Variants in PTPRD observed in about 807,000 individuals in gnomAD.
The protein encoded by PTPRD is protein tyrosine phosphatase receptor type D.
PTPRD carries 34 observed loss-of-function variants against 214.5 expected under a neutral mutation model. The ratio of observed to expected loss-of-function variants is 0.16; its 90% CI spans 0.12 to 0.21. The LOEUF (loss-of-function observed/expected upper bound fraction) is 0.21. Ranked by LOEUF, PTPRD falls within the 10% of genes least tolerant of loss-of-function variation. PTPRD has a pLI of 1.00. For synonymous variants in PTPRD, 1,128 were observed against 845.7 expected (o/e 1.33, Z -5.79); for missense variants, 2,545 against 2,398.7 (o/e 1.06, Z -1.27).
At chr9:9,383,160 C>T (rs1276752409) in intron 9 of PTPRD, among the ~76,000 whole-genome samples, 1 of 151,944 alleles carries the variant, frequency 6.6e-6, no homozygotes, top group Non-Finnish European at 1.5e-5. Context: ...TGATTTGGCA[C>T]TTTTCAGGTT....
At chr9:9,959,289 C>T (rs1024150110) in intron 4 of PTPRD, among the ~76,000 whole-genome samples, 1 of 152,022 alleles carries the variant, frequency 6.6e-6, no homozygotes, top group Non-Finnish European at 1.5e-5. Flanking sequence ...CTAGAAAAGG[C>T]AAAACTTGTA....
At chr9:10,190,465 C>T (rs1397315739) in intron 3 of PTPRD, among the ~76,000 whole-genome samples, 3 of 142,718 alleles carry the variant, frequency 2.1e-5, no homozygotes, top group Non-Finnish European at 3.0e-5. Context: ...TGCCTGTAAT[C>T]CCAGTACTTT....
At chr9:9,454,860 T>A (rs1405876034) in intron 8 of PTPRD, among the ~76,000 whole-genome samples, 4 of 147,738 alleles carry the variant, frequency 2.7e-5, no homozygotes, top group Non-Finnish European at 5.9e-5. Context: ...CACATATATA[T>A]ATATACATAT....
rs531958900 is a variant in PTPRD at position 8,316,961 on chromosome 9, T to C, written c.*913A>G. 3 of 231,568 alleles carry C rather than the reference T, an allele frequency of 1.3e-5. No homozygotes were observed. In the East Asian group the frequency reaches 1.8e-4, roughly 14 times the overall value. 14.3% of individuals were successfully genotyped at this position (231,568 alleles called of 1,614,324 possible). ...GTCTATATATACATAGACACCCTTA[T>C]AAAATATGGATATATATGTATATAT... On this transcript the variant is annotated 3_prime_UTR_variant, in exon 46 of 46. Coordinates refer to ENST00000381196, the MANE Select transcript of PTPRD (RefSeq NM_002839.4).
intron 6 of PTPRD, among the ~76,000 whole-genome samples, chr9:9,737,535 C>T (rs893826716): frequency 6.6e-6 from 1 of 152,108 alleles, no homozygotes; most frequent in Non-Finnish European, 1.5e-5. Flanking sequence ...CCTGATAACT[C>T]CTAATCTATT....
intron 3 of PTPRD, among the ~76,000 whole-genome samples, chr9:10,202,820 C>T (rs141732112): frequency 1.2e-4 from 18 of 151,594 alleles, no homozygotes; most frequent in Admixed American, 2.0e-4. Context: ...CCATCCTCCT[C>T]GCTGCTCTCT....
intron 11 of PTPRD, among the ~76,000 whole-genome samples, chr9:8,777,275 C>G (rs1378261747): frequency 6.6e-6 from 1 of 151,900 alleles, no homozygotes; most frequent in Admixed American, 6.6e-5. Context: ...TTTTGTTAAA[C>G]TAGTATGCTT....
In PTPRD at chr9:9,380,413, T is replaced by C. The variant is rs573657720; in HGVS notation, c.-203+17036A>G. On this transcript the variant is annotated intron_variant, in intron 9 of 45. Coordinates refer to ENST00000381196, the MANE Select transcript of PTPRD (RefSeq NM_002839.4). ...GTGGGTACACAGTAGGTATATATACTTATGGGGTACATGAGATGTTTTGAT... is the reference window on the plus strand; with the variant it reads ...GTGGGTACACAGTAGGTATATATACCTATGGGGTACATGAGATGTTTTGAT... Among the ~76,000 whole-genome samples, 24 of 152,256 alleles carry C rather than the reference T, an allele frequency of 1.6e-4. No homozygotes were observed. The East Asian group carries it at 4.0e-3, about 26-fold the overall frequency.
chr9:10,034,146 G>GA (rs367890346), intron 3 of PTPRD, among the ~76,000 whole-genome samples: 9 of 151,884 alleles, frequency 5.9e-5, no homozygotes, highest in African/African-American at 2.2e-4. Flanking sequence ...AATTCATATG[G>GA]AAAAAAATAT....
chr9:8,823,838 A>G (rs2097124679), intron 11 of PTPRD, among the ~76,000 whole-genome samples: 2 of 152,214 alleles, frequency 1.3e-5, no homozygotes, highest in South Asian at 4.1e-4. Context: ...AAGTTCATTA[A>G]AAAAGTAAAA....
intron 3 of PTPRD, among the ~76,000 whole-genome samples, chr9:10,300,146 A>C (rs910036522): frequency 6.6e-6 from 1 of 152,222 alleles, no homozygotes; most frequent in African/African-American, 2.4e-5. Context: ...CATAAGTAGT[A>C]AGAAAACAAC....
intron 2 of PTPRD, among the ~76,000 whole-genome samples, chr9:10,523,542 T>A (rs2053091820): frequency 6.9e-6 from 1 of 145,922 alleles, no homozygotes; most frequent in African/African-American, 2.5e-5. Context: ...CAGGTAGAAC[T>A]GTAAGAAAAA....
chr9:10,208,407 G>A (rs11790164), intron 3 of PTPRD, among the ~76,000 whole-genome samples: 2 of 152,136 alleles, frequency 1.3e-5, no homozygotes, highest in East Asian at 1.9e-4. Flanking sequence ...CCAGCTACTC[G>A]GGAGGCTGAG....
intron 7 of PTPRD, among the ~76,000 whole-genome samples, chr9:9,701,819 T>C (rs1186314641): frequency 6.6e-6 from 1 of 152,088 alleles, no homozygotes; most frequent in African/African-American, 2.4e-5. Flanking sequence ...TGATAAGCTA[T>C]TTGAAAACTA....
intron 11 of PTPRD, among the ~76,000 whole-genome samples, chr9:9,002,978 G>T (rs1195878743): frequency 6.6e-6 from 1 of 152,022 alleles, no homozygotes; most frequent in Non-Finnish European, 1.5e-5. Flanking sequence ...TGGGACTACT[G>T]CTGGAAATTA....
chr9:9,286,832 A>G (rs936682073), intron 9 of PTPRD, among the ~76,000 whole-genome samples: 2 of 137,808 alleles, frequency 1.5e-5, no homozygotes, highest in Admixed American at 7.3e-5. Context: ...CAAAAAATGA[A>G]TGAGTAAACA....
At chr9:8,468,896 T>C (rs1241941636) in intron 31 of PTPRD, among the ~76,000 whole-genome samples, 2 of 151,006 alleles carry the variant, frequency 1.3e-5, no homozygotes, top group African/African-American at 4.9e-5. Flanking sequence ...CCCTCCACAA[T>C]GGTTACAAGA....
chr9:8,786,751 A>G (rs1369909734), intron 11 of PTPRD, among the ~76,000 whole-genome samples: 1 of 151,256 alleles, frequency 6.6e-6, no homozygotes, highest in Non-Finnish European at 1.5e-5. Flanking sequence ...CCTCAGGGAA[A>G]AAAAAGGTGG....
chr9:9,403,807 C>T (rs150912054), intron 8 of PTPRD, among the ~76,000 whole-genome samples: 3 of 152,092 alleles, frequency 2.0e-5, no homozygotes, highest in African/African-American at 7.2e-5. Context: ...TTCCTACTTA[C>T]ATTATTGTGG....
Sources: allele counts gnomAD v4.1 joint callset (sites outside exome capture counted in the v4.1 genomes callset), GRCh38; gene constraint gnomAD v4.1.1; transcripts MANE v1.5; gene names NCBI Gene and HGNC (gene_info 2026-07-23, HGNC 2026-07-21).